Variants in RSF1 observed in about 807,000 individuals in gnomAD.
The protein encoded by RSF1 is remodeling and spacing factor 1, also known as HBV pX-associated protein 8.
A neutral mutation model predicts 145.2 loss-of-function variants in RSF1; 13 were observed. The ratio of observed to expected loss-of-function variants is 0.09; its 90% CI spans 0.06 to 0.14. RSF1 has a LOEUF of 0.14. Ranked by LOEUF, RSF1 falls within the 10% of genes least tolerant of loss-of-function variation. The pLI is 1.00. For synonymous variants in RSF1, 577 were observed against 592.6 expected, an observed-to-expected ratio of 0.97 and a Z score of 0.38; for missense variants, 1,517 against 1,718.2, an observed-to-expected ratio of 0.88 and a Z score of 2.07.
intron 7 of RSF1, among the ~76,000 whole-genome samples, chr11:77,694,005 G>A (rs1960222939): frequency 6.6e-6 from 1 of 151,912 alleles, no homozygotes; most frequent in African/African-American, 2.4e-5. Flanking sequence ...GGATGGTCTT[G>A]ATCTCCTGAC....
chr11:77,854,742 A>T, the RSF1 span, among the ~76,000 whole-genome samples: 5 of 152,248 alleles, frequency 3.3e-5, no homozygotes, highest in East Asian at 9.6e-4. Context: ...TACCATTCTC[A>T]TGTCTGGAGG....
chr11:77,748,885 C>G (rs1319003318), intron 2 of RSF1, among the ~76,000 whole-genome samples: 1 of 152,206 alleles, frequency 6.6e-6, no homozygotes, highest in Admixed American at 6.5e-5. Context: ...CAGTATTATT[C>G]ACAACTGCCA....
chr11:77,864,363 C>T, the RSF1 span, among the ~76,000 whole-genome samples: 36 of 151,508 alleles, frequency 2.4e-4, no homozygotes, highest in Non-Finnish European at 4.4e-4. Flanking sequence ...TCGCTTGAAC[C>T]CGGGAGTCGG....
intron 5 of RSF1, among the ~76,000 whole-genome samples, chr11:77,724,088 C>T (rs976402698): frequency 1.3e-5 from 2 of 151,902 alleles, no homozygotes; most frequent in African/African-American, 4.8e-5. Flanking sequence ...AAAAAATGGA[C>T]AAAAAACTTG....
At chr11:77,739,209 G>A (rs1457948968) in intron 4 of RSF1, 3 of 152,618 alleles carry the variant, frequency 2.0e-5, no homozygotes, top group Non-Finnish European at 4.4e-5. Flanking sequence ...AAAGTGCTGA[G>A]ATTACAGGTG....
At chr11:77,869,458 C>T in the RSF1 span, among the ~76,000 whole-genome samples, 1 of 151,208 alleles carries the variant, frequency 6.6e-6, no homozygotes, top group African/African-American at 2.4e-5. Context: ...GGACTACAAG[C>T]ATAAGCCACC....
intron 4 of RSF1, among the ~76,000 whole-genome samples, chr11:77,740,209 C>T (rs1024806579): frequency 4.6e-5 from 7 of 151,998 alleles, no homozygotes; most frequent in Admixed American, 2.0e-4. Flanking sequence ...AACCTCATCT[C>T]TATTAAAAAT....
intron 14 of RSF1, among the ~76,000 whole-genome samples, chr11:77,674,511 C>G (rs748505521): frequency 4.6e-5 from 7 of 152,076 alleles, no homozygotes; most frequent in Non-Finnish European, 1.0e-4. Flanking sequence ...TCCAAGAAAC[C>G]CTATGAAGAT....
chr11:77,756,243 A>G (rs917026019), intron 2 of RSF1, among the ~76,000 whole-genome samples: 2 of 151,634 alleles, frequency 1.3e-5, no homozygotes, highest in African/African-American at 4.8e-5. Context: ...TGTAATCCCC[A>G]GCTACTAGGG....
the RSF1 span, among the ~76,000 whole-genome samples, chr11:77,830,595 T>TA: frequency 6.6e-6 from 1 of 151,066 alleles, no homozygotes. Context: ...TTCTTCCAAA[T>TA]ATACTCTTTT....
chr11:77,818,127 G>A (rs1475740192), intron 1 of RSF1, among the ~76,000 whole-genome samples: 2 of 152,126 alleles, frequency 1.3e-5, no homozygotes, highest in Non-Finnish European at 2.9e-5. Flanking sequence ...TGCAGTGGCT[G>A]AAATAAATGA....
upstream of RSF1, among the ~76,000 whole-genome samples, chr11:77,823,837 G>A (rs1949049264): frequency 6.6e-6 from 1 of 151,806 alleles, no homozygotes; most frequent in South Asian, 2.1e-4. Context: ...TGTGAACCTT[G>A]CCTGTACTTT....
At chr11:77,799,280 C>T (rs899885459) in intron 1 of RSF1, among the ~76,000 whole-genome samples, 2 of 151,756 alleles carry the variant, frequency 1.3e-5, no homozygotes, top group East Asian at 1.9e-4. Flanking sequence ...GAATATGAGG[C>T]GGGAGGATCA....
chr11:77,819,305 C>T (rs1299223554), intron 1 of RSF1, among the ~76,000 whole-genome samples: 1 of 152,196 alleles, frequency 6.6e-6, no homozygotes, highest in Admixed American at 6.5e-5. Flanking sequence ...AAAGGCAATG[C>T]TCAGAGTATA....
chr11:77,704,345 C>A (rs1343208305), intron 5 of RSF1, among the ~76,000 whole-genome samples: 1 of 152,058 alleles, frequency 6.6e-6, no homozygotes, highest in Admixed American at 6.6e-5. Flanking sequence ...AACAAAAAAA[C>A]CTTCAACCCA....
At chr11:77,671,393 C>T (rs2135811504) in intron 15 of RSF1, among the ~76,000 whole-genome samples, 1 of 150,874 alleles carries the variant, frequency 6.6e-6, no homozygotes, top group East Asian at 2.0e-4. Flanking sequence ...TTATTTGAAA[C>T]CTTTTAGCTA....
At position 77,661,641 on chromosome 11, in the gene RSF1, T is replaced by C. The variant is rs1959234960; in HGVS notation, c.*5276A>G. On this transcript the variant is annotated 3_prime_UTR_variant, in exon 16 of 16. Coordinates refer to ENST00000308488, the MANE Select transcript of RSF1 (RefSeq NM_016578.4). ...AATTACATAATGCACCTGTAGATGA[T>C]CTAGCATAAACACAATTGTAAAAAA... 6.6e-6 allele frequency: 1 copy of C among 152,038 alleles called. No homozygotes were observed. Among genetic ancestry groups the C allele is most frequent in the Non-Finnish European group, 1.5e-5 (1 of 67,966 alleles). 9.4% of individuals were successfully genotyped at this position (152,038 alleles called of 1,614,324 possible).
intron 1 of RSF1, among the ~76,000 whole-genome samples, chr11:77,806,392 A>G (rs1948678011): frequency 6.6e-6 from 1 of 152,270 alleles, no homozygotes; most frequent in African/African-American, 2.4e-5. Flanking sequence ...CAGTTAAGAC[A>G]TGGTATAACC....
chr11:77,697,473 TATATATA>T (rs932679760), intron 7 of RSF1, among the ~76,000 whole-genome samples: 11 of 21,220 alleles, frequency 5.2e-4, no homozygotes, highest in Admixed American at 2.0e-3. Flanking sequence ...AAAATATATT[TATATATA>T]ATATATAATA....
Sources: allele counts gnomAD v4.1 joint callset (sites outside exome capture counted in the v4.1 genomes callset), GRCh38; gene constraint gnomAD v4.1.1; transcripts MANE v1.5; gene names NCBI Gene and HGNC (gene_info 2026-07-23, HGNC 2026-07-21).